Variants in TOX observed in about 807,000 individuals in gnomAD.
TOX encodes thymocyte selection-associated high mobility group box protein TOX.
Under a neutral mutation model 53.7 loss-of-function variants are expected in TOX, and 11 were observed. The ratio of observed to expected loss-of-function variants is 0.20; its 90% CI spans 0.13 to 0.34. The LOEUF is 0.34. Ranked by LOEUF, TOX falls within the 10% of genes least tolerant of loss-of-function variation. The probability of loss-of-function intolerance (pLI) is 1.00; values close to 1 mark genes in which losing one functional copy is unlikely to be tolerated. For missense variants in TOX, 570 were observed against 664.6 expected (o/e 0.86, Z 1.56); for synonymous variants, 225 against 245.3 (o/e 0.92, Z 0.77).
At chr8:58,836,652 A>G (rs924538259) in intron 5 of TOX, among the ~76,000 whole-genome samples, 3 of 152,202 alleles carry the variant, frequency 2.0e-5, no homozygotes, top group African/African-American at 7.2e-5. Context: ...TACAGAAAAG[A>G]GAGAATGGAG....
intron 1 of TOX, among the ~76,000 whole-genome samples, chr8:59,093,644 A>G (rs542631911): frequency 2.0e-5 from 3 of 152,222 alleles, no homozygotes; most frequent in South Asian, 2.1e-4. Flanking sequence ...CCTGCAAAGT[A>G]TAAGTTTTTC....
Position 59,103,604 on chromosome 8 carries a change from C to T in TOX, c.102+15282G>A, listed in dbSNP as rs74470859. Among the ~76,000 whole-genome samples, 42 of 152,300 alleles carry T rather than the reference C, an allele frequency of 2.8e-4. No individual in the cohort carries two copies. The East Asian group carries it at 7.5e-3, about 27-fold the overall frequency. ...TTGCAGAGGCAGTTCCAGGGATCTTCGTCTAGCCCCCTGAGATATAAATTC... is the reference window on the plus strand; with the variant it reads ...TTGCAGAGGCAGTTCCAGGGATCTTTGTCTAGCCCCCTGAGATATAAATTC... On this transcript the variant is annotated intron_variant, in intron 1 of 8. Coordinates refer to ENST00000361421, the MANE Select transcript of TOX (RefSeq NM_014729.3).
intron 1 of TOX, among the ~76,000 whole-genome samples, chr8:58,993,650 T>C (rs1813498273): frequency 6.6e-6 from 1 of 152,192 alleles, no homozygotes; most frequent in South Asian, 2.1e-4. Context: ...TGAAATAACA[T>C]TTCACTTCTA....
intron 1 of TOX, among the ~76,000 whole-genome samples, chr8:58,965,141 T>C (rs1367781585): frequency 6.6e-6 from 1 of 152,172 alleles, no homozygotes; most frequent in Non-Finnish European, 1.5e-5. Flanking sequence ...TTAATTTCCA[T>C]GTATTCTCAA....
In TOX at chr8:58,984,449, T is replaced by C. The variant is rs370890855; in HGVS notation, c.103-24441A>G. ...CTAATTGTTAGGGAAATAGAAATCA[T>C]AACCACAAGGAGATACCCCTTCACA... On this transcript the variant is annotated intron_variant, in intron 1 of 8. Transcript: ENST00000361421. Among the ~76,000 whole-genome samples, 12 of 152,192 alleles carry C rather than the reference T, an allele frequency of 7.9e-5. No homozygotes were observed. In the East Asian group the frequency reaches 1.9e-3, roughly 25 times the overall value.
At chr8:59,058,592 G>T (rs1803924475) in intron 1 of TOX, among the ~76,000 whole-genome samples, 1 of 152,182 alleles carries the variant, frequency 6.6e-6, no homozygotes, top group Admixed American at 6.5e-5. Flanking sequence ...CCCAGCTAAA[G>T]ATGTACAAGC....
chr8:59,073,241 T>C (rs1804231939), intron 1 of TOX, among the ~76,000 whole-genome samples: 1 of 152,172 alleles, frequency 6.6e-6, no homozygotes. Flanking sequence ...TGCGCTTCTG[T>C]TTATCATCTT....
rs574718641 is a variant in TOX at position 59,069,341 on chromosome 8, C to T, written c.102+49545G>A. Among the ~76,000 whole-genome samples the T allele has an allele frequency of 2.0e-5, 3 of 152,214 alleles. No homozygotes were observed. In the South Asian group the frequency reaches 6.2e-4, roughly 32 times the overall value. On this transcript the variant is annotated intron_variant, in intron 1 of 8. Coordinates refer to ENST00000361421, the MANE Select transcript of TOX (RefSeq NM_014729.3). ...CCAGGTAATTTGGTACAATCCTCCA[C>T]ATTAGAGATTACAGTAGGAAAACAA... is the stretch of plus-strand genomic sequence containing the variant.
intron 1 of TOX, among the ~76,000 whole-genome samples, chr8:59,076,791 C>A (rs1804300436): frequency 6.6e-6 from 1 of 152,114 alleles, no homozygotes; most frequent in South Asian, 2.1e-4. Context: ...AGTACCCAAC[C>A]TAACAGTCTC....
chr8:58,895,972 A>T (rs1811637558), intron 3 of TOX, among the ~76,000 whole-genome samples: 1 of 152,186 alleles, frequency 6.6e-6, no homozygotes, highest in Non-Finnish European at 1.5e-5. Context: ...TTAAAGAGGG[A>T]TTTGTTTCAC....
chr8:58,905,042 C>A lies in TOX; in HGVS notation c.411+34260G>T, dbSNP rs985961788. On this transcript the variant is annotated intron_variant, in intron 3 of 8. Coordinates refer to ENST00000361421, the MANE Select transcript of TOX (RefSeq NM_014729.3). The stretch of plus-strand genomic sequence containing the variant: ...CCACCTCCCAGGTTCAAGTGATTCT[C>A]CCGCCTCAGCCTCCTGAGTAGCTGG... 1.8e-4 allele frequency among the ~76,000 whole-genome samples: 27 copies of A among 152,324 alleles called. 1 individual carries two copies. The highest frequency in any genetic ancestry group is 6.3e-4 in the African/African-American group (26 of 41,572).
intron 3 of TOX, among the ~76,000 whole-genome samples, chr8:58,863,236 T>C (rs1000528938): frequency 2.0e-5 from 3 of 152,304 alleles, no homozygotes; most frequent in Admixed American, 2.0e-4. Flanking sequence ...TCAGCACAAC[T>C]GATTTGAACT....
chr8:59,039,781 C>G (rs942991188), intron 1 of TOX, among the ~76,000 whole-genome samples: 1 of 152,064 alleles, frequency 6.6e-6, no homozygotes, highest in African/African-American at 2.4e-5. Flanking sequence ...AAATATCCAG[C>G]AAAAATAGAA....
At chr8:58,967,091 G>C (rs1469418858) in intron 1 of TOX, among the ~76,000 whole-genome samples, 1 of 151,832 alleles carries the variant, frequency 6.6e-6, no homozygotes, top group Non-Finnish European at 1.5e-5. Flanking sequence ...AGCCAGGATG[G>C]TCTCCATCTC....
intron 4 of TOX, among the ~76,000 whole-genome samples, chr8:58,841,330 CTG>C (rs1256339974): frequency 6.6e-6 from 1 of 152,088 alleles, no homozygotes; most frequent in African/African-American, 2.4e-5. Flanking sequence ...GGGGTTGGGC[CTG>C]GTTTTGCCCA....
At chr8:58,971,984 C>T (rs761667640) in intron 1 of TOX, among the ~76,000 whole-genome samples, 12 of 152,096 alleles carry the variant, frequency 7.9e-5, no homozygotes, top group South Asian at 2.1e-4. Flanking sequence ...AGCCACCATG[C>T]GCAGCCTACA....
chr8:58,988,051 A>T (rs1264651377), intron 1 of TOX, among the ~76,000 whole-genome samples: 1 of 152,242 alleles, frequency 6.6e-6, no homozygotes, highest in Non-Finnish European at 1.5e-5. Context: ...TTTGATTAAT[A>T]ACAGCAGGTA....
chr8:59,087,382 A>C (rs1313534424), intron 1 of TOX, among the ~76,000 whole-genome samples: 2 of 152,232 alleles, frequency 1.3e-5, no homozygotes, highest in Non-Finnish European at 2.9e-5. Context: ...TGTTTGGAGA[A>C]AAATATAGCT....
intron 3 of TOX, among the ~76,000 whole-genome samples, chr8:58,881,148 T>A (rs1811377518): frequency 6.6e-6 from 1 of 152,096 alleles, no homozygotes; most frequent in Admixed American, 6.5e-5. Context: ...ACAAAGTATT[T>A]CCAAAGTAAT....
Sources: allele counts gnomAD v4.1 joint callset (sites outside exome capture counted in the v4.1 genomes callset), GRCh38; gene constraint gnomAD v4.1.1; transcripts MANE v1.5; gene names NCBI Gene and HGNC (gene_info 2026-07-23, HGNC 2026-07-21).